The following ANTXR1 variants were observed in gnomAD, a reference collection of about 807,000 sequenced individuals.
ANTXR1 encodes the protein ANTXR cell adhesion molecule 1.
Under a neutral mutation model 78.1 loss-of-function variants are expected in ANTXR1, and 19 were observed. That is an observed-to-expected ratio of 0.24 (90% CI 0.17 to 0.36). The LOEUF (loss-of-function observed/expected upper bound fraction) is 0.36. Ranked by LOEUF, ANTXR1 falls within the 10% of genes least tolerant of loss-of-function variation. The pLI, the probability that ANTXR1 is intolerant of heterozygous loss-of-function variation, is 1.00. For synonymous variants in ANTXR1, 273 were observed against 260.5 expected (o/e 1.05, Z -0.46); for missense variants, 518 against 718.6 (o/e 0.72, Z 3.19).
chr2:69,076,266 C>T (rs1284770037), intron 7 of ANTXR1, among the ~76,000 whole-genome samples: 1 of 152,144 alleles, frequency 6.6e-6, no homozygotes, highest in African/African-American at 2.4e-5. Context: ...CATGAGCCAC[C>T]ACACCCGGGC....
chr2:69,018,624 A>G (rs1009873094), intron 1 of ANTXR1, among the ~76,000 whole-genome samples: 3 of 152,198 alleles, frequency 2.0e-5, no homozygotes, highest in East Asian at 1.9e-4. Flanking sequence ...AGGGCGAAGC[A>G]TGACTGTCCC....
At chr2:69,221,718 CAA>C (rs1670714547) in intron 17 of ANTXR1, among the ~76,000 whole-genome samples, 1 of 151,670 alleles carries the variant, frequency 6.6e-6, no homozygotes, top group African/African-American at 2.4e-5. Flanking sequence ...TGCATCACCT[CAA>C]AATAGGAGAT....
intron 7 of ANTXR1, chr2:69,077,189 TA>T: frequency 1.7e-6 from 1 of 594,478 alleles, no homozygotes. Context: ...GAAACAAATG[TA>T]AAAGCTGGAG....
chr2:69,044,592 C>T (rs562406810), intron 2 of ANTXR1, 150 bp from the exon 3 acceptor site: 1 of 767,608 alleles, frequency 1.3e-6, no homozygotes, highest in Non-Finnish European at 2.3e-6. Flanking sequence ...CTAATCAACA[C>T]CCGCAGCACC....
rs1182021429 is a variant in ANTXR1 at position 69,073,094 on chromosome 2, A to C, written c.485A>C (p.Glu162Ala). Residue 162 changes from glutamate to alanine, a missense_variant, in exon 6 of 18, where the codon GAG becomes GCG. By Grantham distance (107) the Glu-to-Ala change is moderately radical. Around this residue, in one of 5 missense-constraint regions of ANTXR1, gnomAD observed 264 missense variants for 391.8 expected, o/e 0.67. Coordinates refer to ENST00000303714, the MANE Select transcript of ANTXR1 (RefSeq NM_032208.3). Reference sequence around the variant, plus strand: ...CATGAAGATCTCTTTTTCTATTCAGAGAGGGAGGTAAGCAACGGCCTGGCT... The same window carrying C: ...CATGAAGATCTCTTTTTCTATTCAGCGAGGGAGGTAAGCAACGGCCTGGCT... ...ELHEDLFFYS[E>A]REANRSRDLG... 6.2e-7 allele frequency: 1 copy of C among 1,613,894 alleles called. No individual in the cohort carries two copies. The highest frequency in any genetic ancestry group is 8.5e-7 in the Non-Finnish European group (1 of 1,179,908).
At chr2:69,134,010 G>A (rs1672836082) in intron 12 of ANTXR1, among the ~76,000 whole-genome samples, 1 of 152,190 alleles carries the variant, frequency 6.6e-6, no homozygotes, top group Non-Finnish European at 1.5e-5. Context: ...TAGTTTTCTT[G>A]TACTGATGTT....
intron 3 of ANTXR1, among the ~76,000 whole-genome samples, chr2:69,063,421 C>T (rs1670304303): frequency 6.6e-6 from 1 of 151,286 alleles, no homozygotes; most frequent in Non-Finnish European, 1.5e-5. Context: ...AATTCTATAT[C>T]CAGTTAAAAT....
At chr2:69,153,002 A>G (rs966513570) in intron 13 of ANTXR1, among the ~76,000 whole-genome samples, 7 of 152,172 alleles carry the variant, frequency 4.6e-5, no homozygotes, top group African/African-American at 1.2e-4. Flanking sequence ...GAGAAGTCCA[A>G]ACAAAGTAAT....
chr2:69,138,105 A>G (rs1409514325), intron 12 of ANTXR1, among the ~76,000 whole-genome samples: 5 of 151,642 alleles, frequency 3.3e-5, no homozygotes, highest in Admixed American at 2.6e-4. Flanking sequence ...GAAAAAAAAA[A>G]AAAGAAAGAA....
chr2:69,090,558 T>C, intron 8 of ANTXR1: 2 of 450,602 alleles, frequency 4.4e-6, no homozygotes, highest in Non-Finnish European at 8.2e-6. Flanking sequence ...TCCGCAACCC[T>C]ATGTTAAACC....
At position 69,247,529 on chromosome 2, in the gene ANTXR1, T is replaced by A. The variant is rs538148601; in HGVS notation, c.*2044T>A. The A allele has an allele frequency of 6.5e-6, 1 of 152,846 alleles. No homozygotes were observed. Among genetic ancestry groups the A allele is most frequent in the East Asian group, 1.9e-4 (1 of 5,178 alleles). The allele number at this position is 152,846 out of a possible 1,614,324, so 9.5% of individuals were successfully genotyped here. ...CAACCCCCCAGCCTCTCCCCAACCC[T>A]GCCGCATTGTCTAATTTTTAGAACA... On this transcript the variant is annotated 3_prime_UTR_variant, in exon 18 of 18. Transcript: ENST00000303714.
intron 12 of ANTXR1, among the ~76,000 whole-genome samples, chr2:69,128,012 A>C (rs1044269005): frequency 6.6e-6 from 1 of 152,112 alleles, no homozygotes; most frequent in African/African-American, 2.4e-5. Flanking sequence ...GGATCACTTG[A>C]GGGCCAGTTT....
intron 16 of ANTXR1, chr2:69,182,968 A>C (rs1292404210): frequency 2.9e-6 from 1 of 348,708 alleles, no homozygotes; most frequent in East Asian, 6.3e-5. Flanking sequence ...AAATTCGTGA[A>C]GTGTTCCATA....
At position 69,204,487 on chromosome 2, in the gene ANTXR1, C is replaced by T. The variant is rs185186540; in HGVS notation, c.1434+11072C>T. ...TGGTCTGGAGAGATTCCCGAGCCCT[C>T]CCAGGTCCATTATCTTATCTGTTCC... On this transcript the variant is annotated intron_variant, in intron 17 of 17. Coordinates refer to ENST00000303714, the MANE Select transcript of ANTXR1 (RefSeq NM_032208.3). Among the ~76,000 whole-genome samples, 1,221 of 152,270 alleles carry T rather than the reference C, an allele frequency of 8.0e-3. 15 individuals carry two copies. Among genetic ancestry groups the T allele is most frequent in the African/African-American group, 0.027 (1,129 of 41,534 alleles).
chr2:69,074,619 C>T (rs1670673498), intron 6 of ANTXR1, among the ~76,000 whole-genome samples: 1 of 152,082 alleles, frequency 6.6e-6, no homozygotes, highest in South Asian at 2.1e-4. Flanking sequence ...AAAGTTGAGG[C>T]TACAGTGAGT....
chr2:69,050,088 G>T (rs1669883861), intron 3 of ANTXR1, among the ~76,000 whole-genome samples: 1 of 152,068 alleles, frequency 6.6e-6, no homozygotes. Context: ...GAGCCCAGGA[G>T]TTCAAGGCCA....
chr2:69,125,468 G>A (rs1211818562), intron 12 of ANTXR1, among the ~76,000 whole-genome samples: 1 of 152,198 alleles, frequency 6.6e-6, no homozygotes, highest in South Asian at 2.1e-4. Context: ...GTCAGCCTCT[G>A]GAGTTGGTCC....
chr2:69,207,375 G>T (rs972111025), intron 17 of ANTXR1, among the ~76,000 whole-genome samples: 2 of 152,080 alleles, frequency 1.3e-5, no homozygotes, highest in Non-Finnish European at 2.9e-5. Context: ...ATGAAAAAAC[G>T]CAGCTTTCCA....
intron 12 of ANTXR1, among the ~76,000 whole-genome samples, chr2:69,143,637 A>G (rs1458351396): frequency 6.6e-6 from 1 of 152,158 alleles, no homozygotes; most frequent in Non-Finnish European, 1.5e-5. Context: ...TAGAAAGAAA[A>G]CTGGCCATGG....
Sources: allele counts gnomAD v4.1 joint callset (sites outside exome capture counted in the v4.1 genomes callset), GRCh38; gene constraint gnomAD v4.1.1; regional missense constraint gnomAD v4.1.1; transcripts MANE v1.5; gene names NCBI Gene and HGNC (gene_info 2026-07-23, HGNC 2026-07-21).